HMGCLL1: variants seen among roughly 807,000 people sequenced by gnomAD.
HMGCLL1 encodes the protein 3-hydroxymethyl-3-methylglutaryl-CoA lyase, cytoplasmic.
Under a neutral mutation model 39.1 loss-of-function variants are expected in HMGCLL1, and 36 were observed. That is an observed-to-expected ratio of 0.92 (90% CI 0.71 to 1.22). HMGCLL1 has a LOEUF of 1.22. Among genes scored for constraint, HMGCLL1 ranks in the 50% most tolerant of loss-of-function variants. The probability of loss-of-function intolerance (pLI) is 0.00; values close to 1 mark genes in which losing one functional copy is unlikely to be tolerated. For missense variants in HMGCLL1, 451 were observed against 416.5 expected, an observed-to-expected ratio of 1.08 and a Z score of -0.72; for synonymous variants, 149 against 144.0, an observed-to-expected ratio of 1.03 and a Z score of -0.25.
At chr6:55,674,893 T>G in the HMGCLL1 span, among the ~76,000 whole-genome samples, 1 of 152,082 alleles carries the variant, frequency 6.6e-6, no homozygotes, top group Non-Finnish European at 1.5e-5. Context: ...AAATTAGACA[T>G]CTGCTGAGTT....
At chr6:55,591,843 A>C in the HMGCLL1 span, among the ~76,000 whole-genome samples, 1 of 151,940 alleles carries the variant, frequency 6.6e-6, no homozygotes, top group South Asian at 2.1e-4. Flanking sequence ...ATTTTAGTTG[A>C]ATATTTTAAG....
At chr6:55,453,706 T>C (rs1179257822) in intron 7 of HMGCLL1, among the ~76,000 whole-genome samples, 1 of 152,226 alleles carries the variant, frequency 6.6e-6, no homozygotes. Context: ...GAAACATTTG[T>C]TAGAAAATTA....
upstream of HMGCLL1, among the ~76,000 whole-genome samples, chr6:55,583,206 T>A (rs1772014668): frequency 6.6e-6 from 1 of 152,104 alleles, no homozygotes; most frequent in African/African-American, 2.4e-5. Context: ...TTTTTTATTA[T>A]TATTATACTT....
the HMGCLL1 span, among the ~76,000 whole-genome samples, chr6:55,636,876 A>G: frequency 0.34 from 51,481 of 151,872 alleles, 9,050 homozygotes; most frequent in African/African-American, 0.42. Flanking sequence ...CTTCTGACAG[A>G]CCCACCTGGA....
At chr6:55,667,403 T>G in the HMGCLL1 span, among the ~76,000 whole-genome samples, 1 of 151,950 alleles carries the variant, frequency 6.6e-6, no homozygotes, top group South Asian at 2.1e-4. Context: ...ATCCTCTCAG[T>G]AATTCTATAG....
At chr6:55,613,442 G>A in the HMGCLL1 span, among the ~76,000 whole-genome samples, 1 of 152,014 alleles carries the variant, frequency 6.6e-6, no homozygotes, top group African/African-American at 2.4e-5. Context: ...TCCCATTACT[G>A]GCTATATACC....
At chr6:55,482,870 TA>T (rs1765817234) in intron 7 of HMGCLL1, among the ~76,000 whole-genome samples, 1 of 152,060 alleles carries the variant, frequency 6.6e-6, no homozygotes, top group Non-Finnish European at 1.5e-5. Context: ...TTCATATGCT[TA>T]ATATAAATAA....
intron 1 of HMGCLL1, among the ~76,000 whole-genome samples, chr6:55,548,230 G>A (rs946917292): frequency 6.6e-6 from 1 of 151,962 alleles, no homozygotes; most frequent in Non-Finnish European, 1.5e-5. Flanking sequence ...GCTACACTTT[G>A]TTTTCAACAG....
At chr6:55,564,612 T>C (rs1771124062) in intron 1 of HMGCLL1, among the ~76,000 whole-genome samples, 1 of 152,116 alleles carries the variant, frequency 6.6e-6, no homozygotes, top group African/African-American at 2.4e-5. Context: ...AGAATTTTCA[T>C]TATGTATGTG....
the HMGCLL1 span, among the ~76,000 whole-genome samples, chr6:55,675,052 C>T: frequency 2.0e-5 from 3 of 152,060 alleles, no homozygotes; most frequent in African/African-American, 7.2e-5. Flanking sequence ...AAAACATTTA[C>T]TTGTGCCTAA....
At chr6:55,668,951 G>A in the HMGCLL1 span, among the ~76,000 whole-genome samples, 1 of 151,584 alleles carries the variant, frequency 6.6e-6, no homozygotes. Flanking sequence ...GTCTTCAAAA[G>A]GGTGAGGACT....
intron 8 of HMGCLL1, among the ~76,000 whole-genome samples, chr6:55,436,643 A>G (rs761555249): frequency 3.9e-5 from 6 of 152,046 alleles, no homozygotes; most frequent in Admixed American, 6.6e-5. Flanking sequence ...GAAAATATTC[A>G]GTTTTCCTTG....
chr6:55,577,497 A>T (rs967175419), intron 1 of HMGCLL1, among the ~76,000 whole-genome samples: 6 of 152,222 alleles, frequency 3.9e-5, no homozygotes, highest in Non-Finnish European at 7.3e-5. Context: ...TGAATGCCCC[A>T]GAATTTTATT....
chr6:55,510,854 T>C (rs1767422877), intron 5 of HMGCLL1, among the ~76,000 whole-genome samples: 1 of 151,152 alleles, frequency 6.6e-6, no homozygotes. Flanking sequence ...AATTTCTATT[T>C]ATAATCATTT....
the HMGCLL1 span, among the ~76,000 whole-genome samples, chr6:55,656,928 GCAGTGGTGAGAAGTGGT>G: frequency 1.3e-5 from 2 of 151,932 alleles, no homozygotes; most frequent in Non-Finnish European, 2.9e-5. Flanking sequence ...ATTACTTGTG[GCAGTGGTGAGAAGTGGT>G]CAGATTCTGA....
At chr6:55,618,090 AT>A in the HMGCLL1 span, among the ~76,000 whole-genome samples, 5 of 152,184 alleles carry the variant, frequency 3.3e-5, no homozygotes, top group South Asian at 1.0e-3. Context: ...TTAGGAATGC[AT>A]GCATAGGTGA....
chr6:55,666,450 T>C, the HMGCLL1 span, among the ~76,000 whole-genome samples: 1 of 151,710 alleles, frequency 6.6e-6, no homozygotes, highest in Non-Finnish European at 1.5e-5. Context: ...AAAGCAGTTA[T>C]ATTTTCTTTC....
intron 5 of HMGCLL1, among the ~76,000 whole-genome samples, chr6:55,503,545 T>C: frequency 1.2e-5 from 1 of 80,458 alleles, no homozygotes; most frequent in South Asian, 3.3e-4. Context: ...GTAATGAGAA[T>C]GAAAAAGGGG....
rs977571657 is a variant in HMGCLL1 at position 55,525,098 on chromosome 6, T to C, written c.298-8495A>G. 1.4e-4 allele frequency among the ~76,000 whole-genome samples: 21 copies of C among 151,792 alleles called. 1 individual carries two copies. Among genetic ancestry groups the C allele is most frequent in the African/African-American group, 4.8e-4 (20 of 41,378 alleles). ...AGCAACTTCCATGACCTCATCATCA[T>C]TCAAAGACAGCTCTGCCACTGTTAG... is the stretch of plus-strand genomic sequence containing the variant. On this transcript the variant is annotated intron_variant, in intron 3 of 8. Transcript: ENST00000274901.
Sources: gnomAD v4.1 joint callset for allele counts (sites outside exome capture counted in the v4.1 genomes callset) on GRCh38, gnomAD v4.1.1 for gene constraint, MANE v1.5 for transcripts, NCBI Gene and HGNC (gene_info 2026-07-23, HGNC 2026-07-21) for gene names.